Variants in PIGT observed in about 807,000 individuals in gnomAD.
PIGT encodes the protein GPI-anchor transamidase component PIGT.
PIGT carries 57 observed loss-of-function variants against 66.7 expected under a neutral mutation model. The ratio of observed to expected loss-of-function variants is 0.86; its 90% CI spans 0.69 to 1.07. PIGT has a LOEUF of 1.07. Ranked by LOEUF, PIGT falls within the 50% of genes least tolerant of loss-of-function variation. The pLI is 0.00. For missense variants in PIGT, 725 were observed against 740.4 expected, an observed-to-expected ratio of 0.98 and a Z score of 0.24; for synonymous variants, 362 against 320.5, an observed-to-expected ratio of 1.13 and a Z score of -1.38.
Position 45,423,059 on chromosome 20 carries a change from T to TTG in PIGT, c.1235-1156_1235-1155insGT, listed in dbSNP as rs1174177938. The TTG allele has an allele frequency of 1.6e-4, 20 of 124,006 alleles. No homozygotes were observed. The South Asian group carries it at 5.6e-3, about 35-fold the overall frequency. 7.7% of individuals were successfully genotyped at this position (124,006 alleles called of 1,614,324 possible). On this transcript the variant is annotated intron_variant, in intron 9 of 11. Transcript: ENST00000279036. Reference sequence around the variant, plus strand: ...CCCCCTACCTATACAAAAAAAATTTTTTTTTTTTTTTTTTTTTTTTTTTGA... The same window carrying TTG: ...CCCCCTACCTATACAAAAAAAATTTTTGTTTTTTTTTTTTTTTTTTTTTTTGA...
chr20:45,416,504 C>T lies in PIGT; in HGVS notation c.188-13C>T. The T allele has an allele frequency of 2.5e-6, 4 of 1,612,344 alleles. No homozygotes were observed. Among genetic ancestry groups the T allele is most frequent in the Non-Finnish European group, 3.4e-6 (4 of 1,178,780 alleles). ...AGGTGGGGATCGTCACTCACCTGCT[C>T]CCGTTTCCCCAGTGTCCCATTACAG... On this transcript the variant is annotated splice_polypyrimidine_tract_variant and intron_variant, in intron 1 of 11. Transcript: ENST00000279036.
intron 9 of PIGT, 53 bp from the exon 10 acceptor site, chr20:45,424,163 A>G: frequency 6.4e-7 from 1 of 1,550,564 alleles, no homozygotes; most frequent in Non-Finnish European, 8.9e-7. Flanking sequence ...GGACAGGGGC[A>G]GCAGGTAGCC....
intron 5 of PIGT, 159 bp from the exon 6 acceptor site, chr20:45,419,977 C>T (rs915394734): frequency 3.4e-5 from 21 of 626,024 alleles, no homozygotes; most frequent in Admixed American, 5.2e-5. Flanking sequence ...GCTGTCAGCA[C>T]GGGGTCTGGC....
chr20:45,416,912 G>A (rs371195835), intron 2 of PIGT: 2 of 427,056 alleles, frequency 4.7e-6, no homozygotes, highest in South Asian at 5.7e-5. Context: ...TCCCTGGAGA[G>A]GCAAATAGCA....
chr20:45,418,477 C>T (rs907209762), intron 2 of PIGT: 9 of 310,790 alleles, frequency 2.9e-5, no homozygotes, highest in Middle Eastern at 1.2e-3. Context: ...TGGTCAGAAC[C>T]GTGACTGCAC....
At position 45,425,133 on chromosome 20, in the gene PIGT, CTTTCTT is replaced by C. The variant is rs1568954648; in HGVS notation, c.1485-439_1485-434del. ...CTCTTTCTTTCCTTTCTCTCTCTTT[CTTTCTT>C]TCTCTTTCTTTCTTTCTTTCTTTCT... On this transcript the variant is annotated intron_variant, in intron 11 of 11. Transcript: ENST00000279036. 7.8e-5 allele frequency: 11 copies of C among 141,194 alleles called. No homozygotes were observed. The South Asian group carries it at 1.6e-3, about 21-fold the overall frequency. The allele number at this position is 141,194 out of a possible 1,614,324, so 8.7% of individuals were successfully genotyped here. A position where few individuals can be genotyped will look rare whatever the true frequency, so the allele number is the denominator to read the frequency against.
Position 45,416,232 on chromosome 20 carries a change from C to G in PIGT, c.76C>G (p.Pro26Ala), listed in dbSNP as rs1341111298. Residue 26 changes from proline to alanine, a missense_variant, in exon 1 of 12, where the codon CCA (proline) becomes GCA (alanine). Coordinates refer to ENST00000279036, the MANE Select transcript of PIGT (RefSeq NM_015937.6). ...GPGGWCLAEPPRDSLREELVI... is the reference protein window; with the variant it reads ...GPGGWCLAEPARDSLREELVI... ...CGGCGGCTGGTGCCTTGCAGAACCC[C>G]CACGCGACAGCCTGCGGGAGGAACT... is the stretch of plus-strand genomic sequence containing the variant. 6.3e-7 allele frequency: 1 copy of G among 1,597,332 alleles called. No individual in the cohort carries two copies. The highest frequency in any genetic ancestry group is 1.3e-5 in the African/African-American group (1 of 74,672).
In PIGT at chr20:45,419,890, C is replaced by G. The variant is rs150390507; in HGVS notation, c.682-246C>G. 1.9e-3 allele frequency: 1,148 copies of G among 599,998 alleles called. 8 individuals carry two copies. Among genetic ancestry groups the G allele is most frequent in the African/African-American group, 0.019 (1,030 of 53,938 alleles). 37.2% of individuals were successfully genotyped at this position (599,998 alleles called of 1,614,324 possible). On this transcript the variant is annotated intron_variant, in intron 5 of 11. Coordinates refer to ENST00000279036, the MANE Select transcript of PIGT (RefSeq NM_015937.6). ...TTTCATTCCCCTGAGCTTGGTTTCCCACCCTGCCACATGACATTGATAGTA... is the reference window on the plus strand; with the variant it reads ...TTTCATTCCCCTGAGCTTGGTTTCCGACCCTGCCACATGACATTGATAGTA...
rs1284418726 is a variant in PIGT, at chr20:45,419,415, C to T, written c.594+20C>T. ...TCCAAGGTGAGGCCGCAGAGCCTGG[C>T]AGCCGGGGGCGGGGGGTGTATAGAG... is the stretch of plus-strand genomic sequence containing the variant. On this transcript the variant is annotated intron_variant, in intron 4 of 11. Transcript: ENST00000279036. 6.3e-6 allele frequency: 10 copies of T among 1,574,900 alleles called. No individual in the cohort carries two copies. Among genetic ancestry groups the T allele is most frequent in the Non-Finnish European group, 7.8e-6 (9 of 1,161,096 alleles).
In PIGT at chr20:45,424,250, G is replaced by A; in HGVS notation, c.1269G>A (p.Leu423=). ...YIHYQPAQDR[L]QPHLLEMLIQ... ...ACTACCAGCCTGCCCAGGACCGGCT[G>A]CAACCCCACCTCCTGGAGATGCTGA... Residue 423 remains leucine, a synonymous_variant, in exon 10 of 12, where the codon CTG becomes CTA. Transcript: ENST00000279036. 1 of 1,614,186 alleles carries A rather than the reference G, an allele frequency of 6.2e-7. No homozygotes were observed. Among genetic ancestry groups the A allele is most frequent in the South Asian group, 1.1e-5 (1 of 91,090 alleles).
At position 45,416,705 on chromosome 20, in the gene PIGT, A is replaced by G; in HGVS notation, c.365+11A>G. The G allele has an allele frequency of 6.2e-7, 1 of 1,605,730 alleles. No individual in the cohort carries two copies. Among genetic ancestry groups the G allele is most frequent in the Non-Finnish European group, 8.5e-7 (1 of 1,176,252 alleles). ...AGACACTGTCACTGAGTGAGTGCAC[A>G]CCTTGGGCCCTGTTGCAGGCCATGG... On this transcript the variant is annotated intron_variant, in intron 2 of 11. Coordinates refer to ENST00000279036, the MANE Select transcript of PIGT (RefSeq NM_015937.6).
chr20:45,424,575 A>C lies in PIGT; in HGVS notation c.1480A>C (p.Ser494Arg), dbSNP rs1990593339. ...CTGGGAAGAGAGTCCCCTCTTCAAC[A>C]GCCTGTAAGTGTGACCACACTCACT... ...VDWEESPLFN[S>R]LFPVSDGSNY... is the part of the protein sequence containing the mutation. Residue 494 changes from serine (S) to arginine (R), a missense_variant, in exon 11 of 12, where the codon AGC becomes CGC. Physicochemically the swap from Ser to Arg is moderately radical, Grantham distance 110. Transcript: ENST00000279036. The C allele has an allele frequency of 6.2e-7, 1 of 1,613,268 alleles. No individual in the cohort carries two copies. Among genetic ancestry groups the C allele is most frequent in the Non-Finnish European group, 8.5e-7 (1 of 1,179,354 alleles).
rs1600801983 is a variant in PIGT at position 45,416,807 on chromosome 20, T to A, written c.365+113T>A. The A allele has an allele frequency of 4.3e-6, 4 of 935,022 alleles. No homozygotes were observed. The East Asian group carries it at 1.1e-4, about 26-fold the overall frequency. 57.9% of individuals were successfully genotyped at this position (935,022 alleles called of 1,614,324 possible). On this transcript the variant is annotated intron_variant, in intron 2 of 11. Coordinates refer to ENST00000279036, the MANE Select transcript of PIGT (RefSeq NM_015937.6). Reference sequence around the variant, plus strand: ...GCACTTCCAGTAGGCAGCGATTCCATGGGGGTAGAGCTGGCATTGGAAGTA... The same window carrying A: ...GCACTTCCAGTAGGCAGCGATTCCAAGGGGGTAGAGCTGGCATTGGAAGTA...
chr20:45,424,933 A>G (rs1214204252), intron 11 of PIGT: 1 of 303,614 alleles, frequency 3.3e-6, no homozygotes, highest in African/African-American at 2.1e-5. Flanking sequence ...CTTACAGTCT[A>G]GAAGGAAGAT....
At chr20:45,421,109 G>T (rs1176747896) in intron 8 of PIGT, 1 of 542,726 alleles carries the variant, frequency 1.8e-6, no homozygotes, top group East Asian at 3.1e-5. Context: ...CTTACCAAGG[G>T]AAAGAGCAGA....
rs765005497 is a variant in PIGT at position 45,425,642 on chromosome 20, C to T, written c.1553C>T (p.Pro518Leu). The T allele has an allele frequency of 2.0e-4, 316 of 1,613,928 alleles. No homozygotes were observed. In the South Asian group the frequency reaches 2.0e-3, roughly 10 times the overall value. Reference protein sequence around the residue: ...LYTEPLLVNLPTPDFSMPYNV... With the variant: ...LYTEPLLVNLLTPDFSMPYNV... ...ACGGAGCCGCTGCTGGTGAACCTGCCGACACCGGACTTCAGCATGCCCTAC... is the reference window on the plus strand; with the variant it reads ...ACGGAGCCGCTGCTGGTGAACCTGCTGACACCGGACTTCAGCATGCCCTAC... Residue 518 changes from proline to leucine, a missense_variant, in exon 12 of 12, where the codon CCG becomes CTG. By Grantham distance (98) the Pro-to-Leu change is moderately conservative. Coordinates refer to ENST00000279036, the MANE Select transcript of PIGT (RefSeq NM_015937.6).
At chr20:45,417,383 T>C (rs1037341013) in intron 2 of PIGT, 4 of 152,268 alleles carry the variant, frequency 2.6e-5, no homozygotes, top group Non-Finnish European at 5.9e-5. Context: ...GCAGGAATTG[T>C]GGCAGGCTAG....
At chr20:45,416,774 T>G (rs1418887692) in intron 2 of PIGT, 80 bp downstream of exon 2, 1 of 1,325,408 alleles carries the variant, frequency 7.5e-7, no homozygotes, top group Non-Finnish European at 1.0e-6. Context: ...CCACTGCTCT[T>G]GGGGACAGCA....
rs1316149186 is a variant in PIGT at position 45,425,651 on chromosome 20, A to C, written c.1562A>C (p.Asp521Ala). The C allele has an allele frequency of 1.2e-6, 2 of 1,613,972 alleles. No individual in the cohort carries two copies. Among genetic ancestry groups the C allele is most frequent in the African/African-American group, 2.7e-5 (2 of 74,906 alleles). The change falls in exon 12 of 12, where the codon GAC becomes GCC. Residue 521 changes from aspartate (D) to alanine (A), a missense_variant. Asp to Ala is a moderately radical substitution (Grantham distance 126, BLOSUM62 -2). This residue lies in a region of PIGT where 162 missense variants were observed against 171.1 expected (regional missense o/e 0.95). Coordinates refer to ENST00000279036, the MANE Select transcript of PIGT (RefSeq NM_015937.6). Reference sequence around the variant, plus strand: ...CTGCTGGTGAACCTGCCGACACCGGACTTCAGCATGCCCTACAACGTGATC... The same window carrying C: ...CTGCTGGTGAACCTGCCGACACCGGCCTTCAGCATGCCCTACAACGTGATC... ...EPLLVNLPTP[D>A]FSMPYNVICL...
Sources: allele counts gnomAD v4.1 joint callset, GRCh38; gene constraint gnomAD v4.1.1; regional missense constraint gnomAD v4.1.1; transcripts MANE v1.5; gene names NCBI Gene and HGNC (gene_info 2026-07-23, HGNC 2026-07-21).